Variants in PFN2 observed in about 807,000 individuals in gnomAD.
The protein encoded by PFN2 is profilin-2.
A neutral mutation model predicts 15.3 loss-of-function variants in PFN2; 8 were observed. The ratio of observed to expected loss-of-function variants is 0.52; its 90% CI spans 0.31 to 0.95. The LOEUF (loss-of-function observed/expected upper bound fraction) is 0.95, where lower values mean the gene tolerates loss of function less well. Among genes scored for constraint, PFN2 ranks in the 40% least tolerant of loss-of-function variants. The pLI, the probability that PFN2 is intolerant of heterozygous loss-of-function variation, is 0.05. For missense variants in PFN2, 111 were observed against 182.3 expected (o/e 0.61, Z 2.25); for synonymous variants, 79 against 67.9 (o/e 1.16, Z -0.81).
At position 149,965,672 on chromosome 3, in the gene PFN2, A is replaced by T. The variant is rs1722664438; in HGVS notation, c.*817T>A. 4.8e-6 allele frequency: 5 copies of T among 1,041,550 alleles called. No individual in the cohort carries two copies. In the South Asian group the frequency reaches 1.7e-4, roughly 35 times the overall value. The allele number at this position is 1,041,550 out of a possible 1,614,324, so 64.5% of individuals were successfully genotyped here. A position where few individuals can be genotyped will look rare whatever the true frequency, so the allele number is the denominator to read the frequency against. ...AAAAAAAAACAGGCACTGCATAAAA[A>T]AAGATGGAAGCAAACCAAATGCCTA... On this transcript the variant is annotated 3_prime_UTR_variant, in exon 3 of 3. Coordinates refer to ENST00000239940, the MANE Select transcript of PFN2 (RefSeq NM_053024.4).
chr3:149,970,826 G>C lies in PFN2; in HGVS notation c.31C>G (p.Leu11Val), dbSNP rs11559018. Residue 11 changes from leucine to valine, a missense_variant, in exon 1 of 3, where the codon CTG (leucine) becomes GTG (valine). By Grantham distance (32) the Leu-to-Val change is conservative. Transcript: ENST00000239940. ...TCCTGGCAGCAGCCATCGCACATCA[G>C]GTTATCCACGTAGCTCTGCCAACCG... MAGWQSYVDN[L>V]MCDGCCQEAA... is the part of the protein sequence containing the mutation. The C allele has an allele frequency of 6.6e-7, 1 of 1,504,948 alleles. No individual in the cohort carries two copies. The highest frequency in any genetic ancestry group is 8.9e-7 in the Non-Finnish European group (1 of 1,122,786). 93.2% of individuals were successfully genotyped at this position (1,504,948 alleles called of 1,614,324 possible). A position where few individuals can be genotyped will look rare whatever the true frequency, so the allele number is the denominator to read the frequency against.
chr3:149,967,941 C>A (rs1722737016), intron 2 of PFN2, among the ~76,000 whole-genome samples: 1 of 151,972 alleles, frequency 6.6e-6, no homozygotes, highest in African/African-American at 2.4e-5. Flanking sequence ...CTTCTTTATG[C>A]TGAGTAGTGA....
chr3:149,965,836 A>G lies in PFN2; in HGVS notation c.*653T>C. The G allele has an allele frequency of 5.3e-6, 6 of 1,127,714 alleles. No homozygotes were observed. The highest frequency in any genetic ancestry group is 6.5e-6 in the Non-Finnish European group (6 of 919,660). 69.9% of individuals were successfully genotyped at this position (1,127,714 alleles called of 1,614,324 possible). A position where few individuals can be genotyped will look rare whatever the true frequency, so the allele number is the denominator to read the frequency against. On this transcript the variant is annotated 3_prime_UTR_variant, in exon 3 of 3. Coordinates refer to ENST00000239940, the MANE Select transcript of PFN2 (RefSeq NM_053024.4). ...AAAGTGCTGAAAAGACACTGATCAGAGATTGTACAACCGGCACCTTGCTTA... is the reference window on the plus strand; with the variant it reads ...AAAGTGCTGAAAAGACACTGATCAGGGATTGTACAACCGGCACCTTGCTTA...
Position 149,966,381 on chromosome 3 carries a change from C to T in PFN2, c.*108G>A. The T allele has an allele frequency of 1.3e-6, 2 of 1,587,178 alleles. No individual in the cohort carries two copies. Among genetic ancestry groups the T allele is most frequent in the South Asian group, 1.2e-5 (1 of 85,462 alleles). ...GATACAAAGGAGACACAGGTTCATA[C>T]CCCATCACCCTGCATTGCTAATAAA... On this transcript the variant is annotated 3_prime_UTR_variant, in exon 3 of 3. Coordinates refer to ENST00000239940, the MANE Select transcript of PFN2 (RefSeq NM_053024.4).
chr3:149,966,299 A>G lies in PFN2; in HGVS notation c.*190T>C. 1 of 1,609,226 alleles carries G rather than the reference A, an allele frequency of 6.2e-7. No individual in the cohort carries two copies. The highest frequency in any genetic ancestry group is 1.3e-5 in the African/African-American group (1 of 74,806). On this transcript the variant is annotated 3_prime_UTR_variant, in exon 3 of 3. Coordinates refer to ENST00000239940, the MANE Select transcript of PFN2 (RefSeq NM_053024.4). ...ACAAGGAAACAAAACAAAAGTGAAC[A>G]GAATTATTTTGGGGGGGGAGGGCAG... is the stretch of plus-strand genomic sequence containing the variant.
Position 149,966,352 on chromosome 3 carries a change from G to A in PFN2, c.*137C>T. The A allele has an allele frequency of 6.3e-7, 1 of 1,593,212 alleles. No homozygotes were observed. Among genetic ancestry groups the A allele is most frequent in the South Asian group, 1.2e-5 (1 of 86,732 alleles). ...AGAAAGACACCTTTCCCCACCAACA[G>A]AGGGATACAAAGGAGACACAGGTTC... On this transcript the variant is annotated 3_prime_UTR_variant, in exon 3 of 3. Coordinates refer to ENST00000239940, the MANE Select transcript of PFN2 (RefSeq NM_053024.4).
chr3:149,966,636 G>C, intron 2 of PFN2, 50 bp from the exon 3 acceptor site: 1 of 1,380,098 alleles, frequency 7.2e-7, no homozygotes, highest in Admixed American at 1.7e-5. Flanking sequence ...AATCAAGAAA[G>C]TCACATAAGT....
rs992051906 is a variant in PFN2, at chr3:149,965,440, A to C, written c.*1049T>G. The C allele has an allele frequency of 4.2e-6, 6 of 1,442,644 alleles. No homozygotes were observed. Among genetic ancestry groups the C allele is most frequent in the Non-Finnish European group, 5.4e-6 (6 of 1,105,936 alleles). The allele number at this position is 1,442,644 out of a possible 1,614,324, so 89.4% of individuals were successfully genotyped here. On this transcript the variant is annotated 3_prime_UTR_variant, in exon 3 of 3. Transcript: ENST00000239940. ...AAGAAAAATCTGAGCTATTGCAATG[A>C]TGGAATGTCCCTGGGGATTCAATCA...
chr3:149,968,957 TC>T (rs2108630746), intron 1 of PFN2: 1 of 170,008 alleles, frequency 5.9e-6, no homozygotes, highest in South Asian at 1.6e-4. Flanking sequence ...TCTATCATAT[TC>T]AGTCCCATTA....
chr3:149,968,898 G>A lies in PFN2; in HGVS notation c.133-348C>T, dbSNP rs1722766623. 7 of 204,292 alleles carry A rather than the reference G, an allele frequency of 3.4e-5. No individual in the cohort carries two copies. In the South Asian group the frequency reaches 6.8e-4, roughly 20 times the overall value. The allele number at this position is 204,292 out of a possible 1,614,324, so 12.7% of individuals were successfully genotyped here. A position where few individuals can be genotyped will look rare whatever the true frequency, so the allele number is the denominator to read the frequency against. On this transcript the variant is annotated intron_variant, in intron 1 of 2. Coordinates refer to ENST00000239940, the MANE Select transcript of PFN2 (RefSeq NM_053024.4). Reference sequence around the variant, plus strand: ...GTATTAAGTCAGCTGGTGCCTGAAAGTGTTCACGTAATGGTAAAAATTCAG... The same window carrying A: ...GTATTAAGTCAGCTGGTGCCTGAAAATGTTCACGTAATGGTAAAAATTCAG...
chr3:149,965,285 C>T lies in PFN2; in HGVS notation c.*1204G>A. On this transcript the variant is annotated 3_prime_UTR_variant, in exon 3 of 3. Transcript: ENST00000239940. ...CAACTTCATATAAAAACTCAAGCTG[C>T]AAATAAAAATTGGTCCTATGAAGAA... The T allele has an allele frequency of 9.1e-6, 14 of 1,535,052 alleles. No individual in the cohort carries two copies. Among genetic ancestry groups the T allele is most frequent in the Non-Finnish European group, 1.2e-5 (14 of 1,146,404 alleles).
chr3:149,968,646 G>A (rs563022362), intron 1 of PFN2, 96 bp from the exon 2 acceptor site: 1 of 996,776 alleles, frequency 1.0e-6, no homozygotes, highest in African/African-American at 1.6e-5. Flanking sequence ...GCTGTAGCTA[G>A]GCTTATGCTA....
In PFN2 at chr3:149,965,523, A is replaced by G; in HGVS notation, c.*966T>C. The G allele has an allele frequency of 7.1e-7, 1 of 1,399,928 alleles. No homozygotes were observed. The highest frequency in any genetic ancestry group is 9.2e-7 in the Non-Finnish European group (1 of 1,083,748). The allele number at this position is 1,399,928 out of a possible 1,614,324, so 86.7% of individuals were successfully genotyped here. ...CTTTTTGCTCTTGTTTTGCCATTGC[A>G]CTCTTCATATGTCCTGTAGACACTA... On this transcript the variant is annotated 3_prime_UTR_variant, in exon 3 of 3. Transcript: ENST00000239940.
Position 149,966,421 on chromosome 3 carries a change from G to T in PFN2, c.*68C>A. 6.2e-7 allele frequency: 1 copy of T among 1,601,626 alleles called. No individual in the cohort carries two copies. The highest frequency in any genetic ancestry group is 8.5e-7 in the Non-Finnish European group (1 of 1,175,766). On this transcript the variant is annotated 3_prime_UTR_variant, in exon 3 of 3. Transcript: ENST00000239940. ...TTGCTAATAAAATTTCCAGAATTAA[G>T]ACTTAAGCTTATAGCTAGGAAAGTT...
rs1179691986 is a variant in PFN2 at position 149,965,220 on chromosome 3, G to A, written c.*1269C>T. On this transcript the variant is annotated 3_prime_UTR_variant, in exon 3 of 3. Coordinates refer to ENST00000239940, the MANE Select transcript of PFN2 (RefSeq NM_053024.4). ...CAATAGTATGGCACAGAATACATATGAAAAAAATTCATCACAAGACAGCCA... is the reference window on the plus strand; with the variant it reads ...CAATAGTATGGCACAGAATACATATAAAAAAAATTCATCACAAGACAGCCA... 6.5e-7 allele frequency: 1 copy of A among 1,530,230 alleles called. No homozygotes were observed. Among genetic ancestry groups the A allele is most frequent in the South Asian group, 1.2e-5 (1 of 83,058 alleles). 94.8% of individuals were successfully genotyped at this position (1,530,230 alleles called of 1,614,324 possible).
At position 149,966,110 on chromosome 3, in the gene PFN2, T is replaced by C. The variant is rs1187599536; in HGVS notation, c.*379A>G. ...TACCATCTACAGTTTGGTAGCATTG[T>C]GACCATAATTAGGGTTGTTGATGAA... On this transcript the variant is annotated 3_prime_UTR_variant, in exon 3 of 3. Coordinates refer to ENST00000239940, the MANE Select transcript of PFN2 (RefSeq NM_053024.4). The C allele has an allele frequency of 2.5e-6, 4 of 1,578,876 alleles. No individual in the cohort carries two copies. The highest frequency in any genetic ancestry group is 3.4e-6 in the Non-Finnish European group (4 of 1,165,034).
chr3:149,966,121 A>AG lies in PFN2; in HGVS notation c.*367dup. The AG allele has an allele frequency of 6.3e-7, 1 of 1,595,282 alleles. No individual in the cohort carries two copies. Among genetic ancestry groups the AG allele is most frequent in the Non-Finnish European group, 8.5e-7 (1 of 1,172,282 alleles). On this transcript the variant is annotated 3_prime_UTR_variant, in exon 3 of 3. Coordinates refer to ENST00000239940, the MANE Select transcript of PFN2 (RefSeq NM_053024.4). ...GTTTGGTAGCATTGTGACCATAATT[A>AG]GGGTTGTTGATGAAGACAGTTGCTA...
chr3:149,965,024 GGGAAAGAAAT>G lies in PFN2; in HGVS notation c.*1455_*1464del. On this transcript the variant is annotated 3_prime_UTR_variant, in exon 3 of 3. Transcript: ENST00000239940. ...TGTATCCCAGATGTAACAAAGTGCAGGGAAAGAAATGGACAAATCAGCAACAAGATTTGTT... is the reference window on the plus strand; with the variant it reads ...TGTATCCCAGATGTAACAAAGTGCAGGGACAAATCAGCAACAAGATTTGTT... The G allele has an allele frequency of 1.9e-6, 1 of 525,872 alleles. No individual in the cohort carries two copies. Among genetic ancestry groups the G allele is most frequent in the Non-Finnish European group, 3.3e-6 (1 of 301,980 alleles). 32.6% of individuals were successfully genotyped at this position (525,872 alleles called of 1,614,324 possible).
rs1722693250 is a variant in PFN2 at position 149,966,394 on chromosome 3, C to T, written c.*95G>A. 1.3e-6 allele frequency: 2 copies of T among 1,589,252 alleles called. No homozygotes were observed. The highest frequency in any genetic ancestry group is 4.5e-5 in the East Asian group (2 of 44,790). Reference sequence around the variant, plus strand: ...CACAGGTTCATACCCCATCACCCTGCATTGCTAATAAAATTTCCAGAATTA... The same window carrying T: ...CACAGGTTCATACCCCATCACCCTGTATTGCTAATAAAATTTCCAGAATTA... On this transcript the variant is annotated 3_prime_UTR_variant, in exon 3 of 3. Coordinates refer to ENST00000239940, the MANE Select transcript of PFN2 (RefSeq NM_053024.4).
Sources: allele counts gnomAD v4.1 joint callset (sites outside exome capture counted in the v4.1 genomes callset), GRCh38; gene constraint gnomAD v4.1.1; transcripts MANE v1.5; gene names NCBI Gene and HGNC (gene_info 2026-07-23, HGNC 2026-07-21).